SHTN1: variants seen among roughly 807,000 people sequenced by gnomAD.
SHTN1 encodes the protein shootin-1.
In SHTN1, 42 loss-of-function variants were observed where a neutral mutation model predicts 83.1. The observed-to-expected ratio is 0.51, with a 90% CI of 0.39 to 0.65. The LOEUF is 0.65. Among genes scored for constraint, SHTN1 ranks in the 30% least tolerant of loss-of-function variants. SHTN1 has a pLI of 0.00. For synonymous variants in SHTN1, 224 were observed against 247.7 expected (o/e 0.90, Z 0.90); for missense variants, 622 against 737.8 (o/e 0.84, Z 1.82).
intron 16 of SHTN1, among the ~76,000 whole-genome samples, chr10:116,888,611 C>T (rs1341878416): frequency 6.6e-6 from 1 of 152,174 alleles, no homozygotes; most frequent in African/African-American, 2.4e-5. Context: ...AAGCAGGAGC[C>T]TTCCCCAAGG....
At chr10:117,032,773 T>C (rs186415823) in intron 2 of SHTN1, among the ~76,000 whole-genome samples, 3 of 152,260 alleles carry the variant, frequency 2.0e-5, no homozygotes, top group East Asian at 1.9e-4. Context: ...TTCTCAAAGA[T>C]AGACCATATG....
chr10:117,101,834 G>A (rs977164613), intron 1 of SHTN1, among the ~76,000 whole-genome samples: 1 of 152,178 alleles, frequency 6.6e-6, no homozygotes, highest in Middle Eastern at 3.4e-3. Flanking sequence ...TGGACCACTT[G>A]GCTGAATTAG....
chr10:116,901,913 C>G lies in SHTN1; in HGVS notation c.1525G>C (p.Val509Leu). 1.2e-6 allele frequency: 2 copies of G among 1,606,504 alleles called. No individual in the cohort carries two copies. Among genetic ancestry groups the G allele is most frequent in the South Asian group, 2.2e-5 (2 of 89,540 alleles). Reference protein sequence around the residue: ...LATSESKSMPVLGSVSSVTKT... With the variant: ...LATSESKSMPLLGSVSSVTKT... Reference sequence around the variant, plus strand: ...GTTACACTGGATACAGAACCCAACACTGGCATGGATTTGGACTCTGAGGTG... The same window carrying G: ...GTTACACTGGATACAGAACCCAACAGTGGCATGGATTTGGACTCTGAGGTG... Residue 509 changes from valine (V) to leucine (L), a missense_variant, in exon 16 of 17, where the codon GTG becomes CTG. Transcript: ENST00000355371.
At chr10:116,932,925 A>C (rs1382563871) in intron 9 of SHTN1, among the ~76,000 whole-genome samples, 1 of 152,228 alleles carries the variant, frequency 6.6e-6, no homozygotes, top group Non-Finnish European at 1.5e-5. Flanking sequence ...TAAATGATTT[A>C]ACTGTAAGTA....
chr10:116,949,075 T>C, intron 6 of SHTN1, 78 bp from the exon 7 acceptor site: 2 of 1,353,780 alleles, frequency 1.5e-6, no homozygotes, highest in Non-Finnish European at 1.9e-6. Context: ...GATACTCAAT[T>C]GCTGTTCAAC....
At position 116,909,385 on chromosome 10, in the gene SHTN1, C is replaced by T. The variant is rs575427009; in HGVS notation, c.1359+2405G>A. Among the ~76,000 whole-genome samples the T allele has an allele frequency of 7.4e-4, 112 of 152,248 alleles. 2 individuals carry two copies. The South Asian group carries it at 0.022, about 30-fold the overall frequency. On this transcript the variant is annotated intron_variant, in intron 14 of 16. Coordinates refer to ENST00000355371, the MANE Select transcript of SHTN1 (RefSeq NM_001127211.3). ...AGATGTCTGGAAAAGACCCATAATA[C>T]AATTTTTTAAAAATTGCTTTTAGTT...
chr10:117,055,927 T>C (rs764622240), intron 1 of SHTN1, among the ~76,000 whole-genome samples: 9 of 152,172 alleles, frequency 5.9e-5, no homozygotes, highest in Non-Finnish European at 1.3e-4. Context: ...TGTTTTACTG[T>C]AATTTTTTAA....
chr10:116,986,892 C>A (rs2133499802), intron 1 of SHTN1, among the ~76,000 whole-genome samples: 1 of 151,940 alleles, frequency 6.6e-6, no homozygotes, highest in Middle Eastern at 3.4e-3. Context: ...CCACACCCAG[C>A]TAATTTTGGC....
intron 8 of SHTN1, among the ~76,000 whole-genome samples, chr10:116,941,198 A>G (rs932773578): frequency 3.3e-5 from 5 of 152,346 alleles, no homozygotes; most frequent in Admixed American, 1.3e-4. Flanking sequence ...ACTTAAACCC[A>G]TATCTGATTT....
At chr10:116,983,068 A>G (rs1482416574) in intron 1 of SHTN1, among the ~76,000 whole-genome samples, 2 of 152,170 alleles carry the variant, frequency 1.3e-5, no homozygotes, top group African/African-American at 4.8e-5. Flanking sequence ...CAGGTACAGT[A>G]TATTTCACTG....
intron 1 of SHTN1, among the ~76,000 whole-genome samples, chr10:117,002,226 AAAGT>A (rs1282842974): frequency 6.6e-6 from 1 of 152,216 alleles, no homozygotes; most frequent in East Asian, 1.9e-4. Flanking sequence ...CTAGAATAAA[AAAGT>A]AATTGTACAT....
intron 12 of SHTN1, among the ~76,000 whole-genome samples, chr10:116,916,466 T>C (rs1295919822): frequency 2.0e-5 from 3 of 152,180 alleles, no homozygotes; most frequent in Non-Finnish European, 4.4e-5. Flanking sequence ...GGCAATATGG[T>C]GGGCACTCAA....
intron 13 of SHTN1, among the ~76,000 whole-genome samples, chr10:116,913,758 A>T (rs1266037982): frequency 6.6e-6 from 1 of 152,174 alleles, no homozygotes; most frequent in Non-Finnish European, 1.5e-5. Flanking sequence ...TTCACACTTT[A>T]TTCCATTTGA....
chr10:116,920,287 T>G (rs1848512662), intron 12 of SHTN1, among the ~76,000 whole-genome samples: 1 of 152,146 alleles, frequency 6.6e-6, no homozygotes, highest in African/African-American at 2.4e-5. Context: ...CTGGCCTCCT[T>G]GTTTTAAGCC....
At chr10:116,940,648 C>A in intron 8 of SHTN1, 36 bp from the exon 9 acceptor site, 2 of 1,526,226 alleles carry the variant, frequency 1.3e-6, no homozygotes, top group South Asian at 2.5e-5. Context: ...ATATATCAAT[C>A]AATCTCACAT....
At chr10:116,905,653 C>T (rs1277700655) in intron 15 of SHTN1, among the ~76,000 whole-genome samples, 3 of 152,204 alleles carry the variant, frequency 2.0e-5, no homozygotes, top group African/African-American at 7.2e-5. Context: ...ATTCTTGCTA[C>T]TTAAATTTGG....
intron 15 of SHTN1, among the ~76,000 whole-genome samples, chr10:116,906,103 CTAAA>C (rs1847959746): frequency 2.0e-5 from 3 of 152,386 alleles, no homozygotes; most frequent in South Asian, 4.1e-4. Flanking sequence ...ACTGCAACTA[CTAAA>C]TGAGTGCTCA....
intron 1 of SHTN1, among the ~76,000 whole-genome samples, chr10:117,062,970 A>T (rs1232319998): frequency 6.6e-6 from 1 of 152,246 alleles, no homozygotes; most frequent in Non-Finnish European, 1.5e-5. Flanking sequence ...AGAATGTAAG[A>T]TCAGCAGGCT....
chr10:116,946,039 A>C (rs925719793), intron 7 of SHTN1, among the ~76,000 whole-genome samples: 1 of 152,126 alleles, frequency 6.6e-6, no homozygotes, highest in African/African-American at 2.4e-5. Flanking sequence ...TTAGAGATAT[A>C]GACATATTTG....
Sources: gnomAD v4.1 joint callset for allele counts (sites outside exome capture counted in the v4.1 genomes callset) on GRCh38, gnomAD v4.1.1 for gene constraint, MANE v1.5 for transcripts, NCBI Gene and HGNC (gene_info 2026-07-23, HGNC 2026-07-21) for gene names.